The following SMG6 variants were observed in gnomAD, a reference collection of about 807,000 sequenced individuals.
SMG6 encodes the protein SMG6 nonsense mediated mRNA decay factor, also known as telomerase-binding protein EST1A.
Under a neutral mutation model 142.2 loss-of-function variants are expected in SMG6, and 66 were observed. That is an observed-to-expected ratio of 0.46 (90% CI 0.38 to 0.57). SMG6 has a LOEUF of 0.57. SMG6 is among the 20% of genes least tolerant of loss of function. SMG6 has a pLI of 0.00. For synonymous variants in SMG6, 779 were observed against 702.4 expected (o/e 1.11, Z -1.72); for missense variants, 1,793 against 1,832.0 (o/e 0.98, Z 0.39).
At chr17:2,125,021 T>C (rs940951177) in intron 13 of SMG6, among the ~76,000 whole-genome samples, 1 of 152,176 alleles carries the variant, frequency 6.6e-6, no homozygotes, top group East Asian at 1.9e-4. Flanking sequence ...GAATTTCTTT[T>C]AAAAACACCT....
At chr17:2,144,163 A>G (rs2070586201) in intron 13 of SMG6, among the ~76,000 whole-genome samples, 1 of 144,006 alleles carries the variant, frequency 6.9e-6, no homozygotes, top group South Asian at 2.2e-4. Context: ...GGTTCAAGTG[A>G]TTCTCCTGCC....
At chr17:2,230,338 G>GAAAAAAAA (rs2073452742) in intron 10 of SMG6, among the ~76,000 whole-genome samples, 2 of 10,600 alleles carry the variant, frequency 1.9e-4, no homozygotes, top group African/African-American at 6.7e-4. Flanking sequence ...AAAAAAAAAG[G>GAAAAAAAA]GAAAACCACA....
In SMG6 at chr17:2,231,044, C is replaced by T. The variant is rs149344469; in HGVS notation, c.2869+5448G>A. The stretch of plus-strand genomic sequence containing the variant: ...TACACAGCTAACTCAAGCCTAACCC[C>T]TTATGAAAGGTGGATTTCCTGTACA... On this transcript the variant is annotated intron_variant, in intron 10 of 18. Transcript: ENST00000263073. Among the ~76,000 whole-genome samples, 923 of 152,216 alleles carry T rather than the reference C, an allele frequency of 6.1e-3. 5 individuals carry two copies. Among genetic ancestry groups the T allele is most frequent in the Non-Finnish European group, 0.011 (716 of 68,010 alleles).
intron 13 of SMG6, among the ~76,000 whole-genome samples, chr17:2,118,221 A>C (rs2069567039): frequency 6.6e-6 from 1 of 151,702 alleles, no homozygotes; most frequent in African/African-American, 2.4e-5. Flanking sequence ...AGCCTAGGTG[A>C]CAGAGCAAGA....
At chr17:2,150,315 GA>G (rs2151596982) in intron 13 of SMG6, among the ~76,000 whole-genome samples, 1 of 152,326 alleles carries the variant, frequency 6.6e-6, no homozygotes, top group Non-Finnish European at 1.5e-5. Context: ...CCTGTCTGTG[GA>G]AAAACTGTCT....
chr17:2,222,804 T>C (rs1367334601), intron 10 of SMG6, among the ~76,000 whole-genome samples: 1 of 152,194 alleles, frequency 6.6e-6, no homozygotes, highest in Non-Finnish European at 1.5e-5. Flanking sequence ...ATTCAGGCCA[T>C]GTTTGCAAAC....
At chr17:2,264,642 C>G (rs767206846) in intron 8 of SMG6, among the ~76,000 whole-genome samples, 12 of 152,210 alleles carry the variant, frequency 7.9e-5, no homozygotes, top group Non-Finnish European at 1.5e-4. Flanking sequence ...TGACTCATAG[C>G]TATAATCTCA....
intron 13 of SMG6, among the ~76,000 whole-genome samples, chr17:2,151,758 G>A (rs998622700): frequency 6.6e-6 from 1 of 152,126 alleles, no homozygotes; most frequent in Non-Finnish European, 1.5e-5. Flanking sequence ...ACACCTATGC[G>A]GCTGCCCAGT....
At chr17:2,195,467 T>C (rs755751705) in intron 10 of SMG6, among the ~76,000 whole-genome samples, 1 of 152,220 alleles carries the variant, frequency 6.6e-6, no homozygotes, top group Admixed American at 6.5e-5. Context: ...TTGTTATTCA[T>C]ACAGTAGGTT....
chr17:2,138,461 T>C (rs941279980), intron 13 of SMG6, among the ~76,000 whole-genome samples: 4 of 152,186 alleles, frequency 2.6e-5, no homozygotes, highest in Non-Finnish European at 5.9e-5. Context: ...CCAGCCAGAC[T>C]AAATGAAGAC....
Position 2,144,801 on chromosome 17 carries a change from G to A in SMG6, c.3357+27857C>T, listed in dbSNP as rs146512462. ...CTCAGGTGAGGGTTAGCTCATGGTCGTAAAATGCTCACCATGAGGTTTCCT... is the reference window on the plus strand; with the variant it reads ...CTCAGGTGAGGGTTAGCTCATGGTCATAAAATGCTCACCATGAGGTTTCCT... On this transcript the variant is annotated intron_variant, in intron 13 of 18. Transcript: ENST00000263073. 1.9e-3 allele frequency among the ~76,000 whole-genome samples: 292 copies of A among 152,204 alleles called. 2 individuals are homozygous for A. The highest frequency in any genetic ancestry group is 6.8e-3 in the African/African-American group (281 of 41,540).
intron 8 of SMG6, among the ~76,000 whole-genome samples, chr17:2,246,170 A>G (rs766464348): frequency 1.6e-4 from 24 of 152,222 alleles, no homozygotes; most frequent in Non-Finnish European, 3.2e-4. Context: ...TCTCAGCAAA[A>G]CAAGGGAGGG....
chr17:2,264,255 T>C (rs2074375771), intron 8 of SMG6, among the ~76,000 whole-genome samples: 1 of 152,236 alleles, frequency 6.6e-6, no homozygotes, highest in Non-Finnish European at 1.5e-5. Context: ...AGCAGCTGAT[T>C]GCTCCCTTGT....
At chr17:2,281,949 T>C (rs1445581384) in intron 8 of SMG6, among the ~76,000 whole-genome samples, 1 of 152,232 alleles carries the variant, frequency 6.6e-6, no homozygotes, top group African/African-American at 2.4e-5. Context: ...TATACTTCAA[T>C]TGACCAATGG....
chr17:2,079,810 C>A (rs2068362712), intron 15 of SMG6, among the ~76,000 whole-genome samples: 1 of 151,964 alleles, frequency 6.6e-6, no homozygotes, highest in African/African-American at 2.4e-5. Flanking sequence ...CGCAGTGGCT[C>A]ACGCCTGTAA....
At chr17:2,199,923 T>G (rs1375265125) in intron 10 of SMG6, 1 of 151,586 alleles carries the variant, frequency 6.6e-6, no homozygotes, top group African/African-American at 2.4e-5. Context: ...CAAAGGTTTG[T>G]TTTTTTTGTT....
At chr17:2,166,593 A>G (rs1334275107) in intron 13 of SMG6, among the ~76,000 whole-genome samples, 1 of 152,130 alleles carries the variant, frequency 6.6e-6, no homozygotes, top group African/African-American at 2.4e-5. Flanking sequence ...GATTAGCTGG[A>G]ACTACAGGTG....
At chr17:2,164,018 C>T (rs752338271) in intron 13 of SMG6, among the ~76,000 whole-genome samples, 2 of 150,100 alleles carry the variant, frequency 1.3e-5, no homozygotes, top group African/African-American at 2.5e-5. Flanking sequence ...GTCTAGATCA[C>T]GTTACTGCAC....
rs887053824 is a variant in SMG6 at position 2,071,515 on chromosome 17, AGG to A, written c.3682-2586_3682-2585del. Among the ~76,000 whole-genome samples the A allele has an allele frequency of 6.6e-6, 1 of 152,144 alleles. No homozygotes were observed. Among genetic ancestry groups the A allele is most frequent in the Non-Finnish European group, 1.5e-5 (1 of 68,024 alleles). On this transcript the variant is annotated intron_variant, in intron 15 of 18. Transcript: ENST00000263073. The surrounding 1 kb of genome is among the most constrained non-coding windows in gnomAD (Gnocchi z 5.6). The stretch of plus-strand genomic sequence containing the variant: ...AGGTGAATAGGCCGCAGCCTTTCAG[AGG>A]GGGCTTCCCTGGGTGTGGGGTGGGG...
Sources: allele counts gnomAD v4.1 joint callset (sites outside exome capture counted in the v4.1 genomes callset), GRCh38; gene constraint gnomAD v4.1.1; non-coding constraint Gnocchi (gnomAD v3.1); transcripts MANE v1.5; gene names NCBI Gene and HGNC (gene_info 2026-07-23, HGNC 2026-07-21).